Variants in UNC5D observed in about 807,000 individuals in gnomAD.
The protein encoded by UNC5D is unc-5 netrin receptor D, also known as netrin receptor UNC5D.
UNC5D carries 39 observed loss-of-function variants against 105.4 expected under a neutral mutation model. The observed-to-expected ratio is 0.37, with a 90% CI of 0.29 to 0.48. The LOEUF (loss-of-function observed/expected upper bound fraction) is 0.48. Among genes scored for constraint, UNC5D ranks in the 20% least tolerant of loss-of-function variants. The probability of loss-of-function intolerance (pLI) is 0.98; values close to 1 mark genes in which losing one functional copy is unlikely to be tolerated. For missense variants in UNC5D, 991 were observed against 1,202.4 expected, an observed-to-expected ratio of 0.82 and a Z score of 2.60; for synonymous variants, 452 against 450.4, an observed-to-expected ratio of 1.00 and a Z score of -0.04.
intron 1 of UNC5D, among the ~76,000 whole-genome samples, chr8:35,433,590 A>G (rs1336024392): frequency 1.3e-5 from 2 of 152,200 alleles, no homozygotes; most frequent in Non-Finnish European, 2.9e-5. Flanking sequence ...GAATATGAAC[A>G]TAAATGAATA....
chr8:35,349,344 A>G (rs1812042143), intron 1 of UNC5D, among the ~76,000 whole-genome samples: 1 of 152,028 alleles, frequency 6.6e-6, no homozygotes, highest in South Asian at 2.1e-4. Context: ...CACTTCAAAC[A>G]ATGATCAATT....
intron 7 of UNC5D, among the ~76,000 whole-genome samples, chr8:35,700,337 TGTG>T (rs1362981550): frequency 5.3e-5 from 8 of 152,170 alleles, no homozygotes; most frequent in South Asian, 2.1e-4. Context: ...GCTGTGACTC[TGTG>T]GTCGCAGTGT....
At chr8:35,749,214 T>C (rs1366830788) in intron 12 of UNC5D, among the ~76,000 whole-genome samples, 3 of 152,134 alleles carry the variant, frequency 2.0e-5, no homozygotes, top group African/African-American at 4.8e-5. Flanking sequence ...CTATTTCCTG[T>C]GTGTATGAGT....
chr8:35,644,870 A>T (rs996306146), intron 4 of UNC5D, among the ~76,000 whole-genome samples: 1 of 152,198 alleles, frequency 6.6e-6, no homozygotes, highest in African/African-American at 2.4e-5. Context: ...ACATAGACAC[A>T]TATCAAAAAG....
At chr8:35,487,473 C>A (rs983900976) in intron 1 of UNC5D, among the ~76,000 whole-genome samples, 1 of 151,984 alleles carries the variant, frequency 6.6e-6, no homozygotes, top group Non-Finnish European at 1.5e-5. Context: ...CCCCAGCCTG[C>A]CTATCTTCCT....
chr8:35,329,002 C>T (rs1810392990), intron 1 of UNC5D, among the ~76,000 whole-genome samples: 1 of 152,108 alleles, frequency 6.6e-6, no homozygotes, highest in Non-Finnish European at 1.5e-5. Flanking sequence ...GTTGTATTTT[C>T]TGAGATACTG....
intron 1 of UNC5D, among the ~76,000 whole-genome samples, chr8:35,407,606 G>A (rs946473856): frequency 6.6e-6 from 1 of 151,896 alleles, no homozygotes; most frequent in South Asian, 2.1e-4. Context: ...TTGTGTCATG[G>A]GGGTTTGTTG....
intron 4 of UNC5D, among the ~76,000 whole-genome samples, chr8:35,660,169 G>C (rs1250400256): frequency 6.6e-6 from 1 of 152,166 alleles, no homozygotes; most frequent in Non-Finnish European, 1.5e-5. Flanking sequence ...TCCTACCTCT[G>C]TAGGCAGAAC....
At chr8:35,744,105 G>C (rs1377597227) in intron 11 of UNC5D, among the ~76,000 whole-genome samples, 4 of 152,198 alleles carry the variant, frequency 2.6e-5, no homozygotes, top group African/African-American at 9.7e-5. Context: ...GAAGAGTGCA[G>C]GTGAGTTATT....
At chr8:35,657,080 G>GTGTATATATATA (rs1281641556) in intron 4 of UNC5D, among the ~76,000 whole-genome samples, 8 of 46,508 alleles carry the variant, frequency 1.7e-4, no homozygotes, top group South Asian at 9.8e-4. Context: ...GTGTGTGTGT[G>GTGTATATATATA]TATATATATA....
chr8:35,331,685 A>G (rs901395791), intron 1 of UNC5D, among the ~76,000 whole-genome samples: 1 of 152,278 alleles, frequency 6.6e-6, no homozygotes, highest in African/African-American at 2.4e-5. Flanking sequence ...ATCAGTTCTC[A>G]TGAAGAAGAT....
chr8:35,469,652 A>G (rs1254200318), intron 1 of UNC5D, among the ~76,000 whole-genome samples: 12 of 152,234 alleles, frequency 7.9e-5, no homozygotes, highest in African/African-American at 2.9e-4. Context: ...TAAAAAAGGT[A>G]GAGATTATAA....
At chr8:35,381,507 G>T (rs1803040372) in intron 1 of UNC5D, among the ~76,000 whole-genome samples, 1 of 152,148 alleles carries the variant, frequency 6.6e-6, no homozygotes, top group Non-Finnish European at 1.5e-5. Flanking sequence ...CAGCTCTGCA[G>T]CAGAATCTTC....
intron 11 of UNC5D, among the ~76,000 whole-genome samples, chr8:35,747,380 T>G (rs555446173): frequency 6.6e-6 from 1 of 152,326 alleles, no homozygotes; most frequent in Non-Finnish European, 1.5e-5. Flanking sequence ...ATAGAAGATC[T>G]TGGGAAAGAT....
chr8:35,500,234 G>T (rs867279878), intron 1 of UNC5D, among the ~76,000 whole-genome samples: 1 of 152,146 alleles, frequency 6.6e-6, no homozygotes, highest in Non-Finnish European at 1.5e-5. Context: ...CATAGTGCTA[G>T]CATCTGTTGA....
At chr8:35,580,845 T>A (rs1818435235) in intron 3 of UNC5D, among the ~76,000 whole-genome samples, 1 of 151,920 alleles carries the variant, frequency 6.6e-6, no homozygotes, top group South Asian at 2.1e-4. Flanking sequence ...ATAGCTAGAG[T>A]TAATGATTTG....
intron 1 of UNC5D, among the ~76,000 whole-genome samples, chr8:35,399,019 C>G (rs1203123635): frequency 6.6e-6 from 1 of 151,670 alleles, no homozygotes; most frequent in East Asian, 2.0e-4. Context: ...GTGGCATGCA[C>G]CTGTAGTCCC....
At chr8:35,732,769 T>G (rs895857645) in intron 11 of UNC5D, among the ~76,000 whole-genome samples, 5 of 152,172 alleles carry the variant, frequency 3.3e-5, no homozygotes, top group African/African-American at 4.8e-5. Context: ...TGTGTTGAGC[T>G]CATTCCTCTC....
chr8:35,330,438 A>T (rs1810525276), intron 1 of UNC5D, among the ~76,000 whole-genome samples: 1 of 152,190 alleles, frequency 6.6e-6, no homozygotes, highest in African/African-American at 2.4e-5. Context: ...TCTTTTAATC[A>T]CTGGCTAATA....
Sources: gnomAD v4.1 joint callset for allele counts (sites outside exome capture counted in the v4.1 genomes callset) on GRCh38, gnomAD v4.1.1 for gene constraint, MANE v1.5 for transcripts, NCBI Gene and HGNC (gene_info 2026-07-23, HGNC 2026-07-21) for gene names.